Variants in PHACTR1 observed in about 807,000 individuals in gnomAD.
PHACTR1 encodes the protein phosphatase and actin regulator 1.
PHACTR1 carries 16 observed loss-of-function variants against 69.2 expected under a neutral mutation model. The ratio of observed to expected loss-of-function variants is 0.23; its 90% CI spans 0.16 to 0.35. The LOEUF (loss-of-function observed/expected upper bound fraction) is 0.35, where lower values mean the gene tolerates loss of function less well. Ranked by LOEUF, PHACTR1 falls within the 10% of genes least tolerant of loss-of-function variation. The pLI, the probability that PHACTR1 is intolerant of heterozygous loss-of-function variation, is 1.00. For synonymous variants in PHACTR1, 312 were observed against 284.5 expected (o/e 1.10, Z -0.97); for missense variants, 510 against 734.7 (o/e 0.69, Z 3.54).
At chr6:12,743,894 A>G (rs1765412190) in intron 3 of PHACTR1, among the ~76,000 whole-genome samples, 1 of 152,148 alleles carries the variant, frequency 6.6e-6, no homozygotes, top group Admixed American at 6.5e-5. Context: ...AAAATTGACC[A>G]CATAGTTGGA....
chr6:13,200,348 T>C (rs905643019), intron 7 of PHACTR1, among the ~76,000 whole-genome samples: 2 of 152,090 alleles, frequency 1.3e-5, no homozygotes, highest in African/African-American at 4.8e-5. Context: ...GTAGCTGGGA[T>C]TGCAGGCACG....
At chr6:13,050,798 A>G (rs1805824395) in intron 4 of PHACTR1, among the ~76,000 whole-genome samples, 1 of 152,228 alleles carries the variant, frequency 6.6e-6, no homozygotes, top group African/African-American at 2.4e-5. Flanking sequence ...TCTTTAAAAC[A>G]TGTAAAATCA....
chr6:13,187,989 G>A (rs377009131), intron 7 of PHACTR1, among the ~76,000 whole-genome samples: 15 of 152,300 alleles, frequency 9.8e-5, no homozygotes, highest in South Asian at 4.1e-4. Flanking sequence ...AGCTCAGGTG[G>A]CCTGGTATCC....
chr6:13,218,828 GA>G, intron 8 of PHACTR1, among the ~76,000 whole-genome samples: 1 of 149,060 alleles, frequency 6.7e-6, no homozygotes. Context: ...AGGAGGAGGA[GA>G]AAAAGAGGAG....
At chr6:13,039,985 A>T (rs1186658533) in intron 4 of PHACTR1, among the ~76,000 whole-genome samples, 1 of 152,186 alleles carries the variant, frequency 6.6e-6, no homozygotes, top group East Asian at 1.9e-4. Flanking sequence ...GGCAGTTTCT[A>T]TTATCTTTCA....
At chr6:13,032,015 C>T (rs1414130450) in intron 4 of PHACTR1, among the ~76,000 whole-genome samples, 14 of 152,214 alleles carry the variant, frequency 9.2e-5, no homozygotes, top group Admixed American at 9.2e-4. Context: ...ACTATTCTGA[C>T]CCTTATGGAA....
chr6:13,287,445 A>C lies in PHACTR1; in HGVS notation c.*367A>C. ...GTCTCCAGCAAACCTCTTCCTCACA[A>C]GTGTCTGTCATCTGAGTCCAAAGAA... On this transcript the variant is annotated 3_prime_UTR_variant, in exon 15 of 15. Transcript: ENST00000332995. 7.5e-6 allele frequency: 2 copies of C among 265,018 alleles called. No homozygotes were observed. Among genetic ancestry groups the C allele is most frequent in the Non-Finnish European group, 1.4e-5 (2 of 138,424 alleles). The allele number at this position is 265,018 out of a possible 1,614,324, so 16.4% of individuals were successfully genotyped here. A position where few individuals can be genotyped will look rare whatever the true frequency, so the allele number is the denominator to read the frequency against.
intron 4 of PHACTR1, among the ~76,000 whole-genome samples, chr6:13,018,512 A>G (rs1187393424): frequency 6.6e-6 from 1 of 152,148 alleles, no homozygotes; most frequent in African/African-American, 2.4e-5. Flanking sequence ...TGCGATTGCT[A>G]GCGTTTGTAT....
At chr6:13,025,154 C>A (rs1801504983) in intron 4 of PHACTR1, among the ~76,000 whole-genome samples, 3 of 152,096 alleles carry the variant, frequency 2.0e-5, no homozygotes, top group African/African-American at 7.2e-5. Context: ...GCTTGGGAGG[C>A]TGAGGTAGGA....
At chr6:13,133,302 T>A (rs1472268321) in intron 5 of PHACTR1, among the ~76,000 whole-genome samples, 1 of 135,042 alleles carries the variant, frequency 7.4e-6, no homozygotes. Context: ...ACAGTCTCCC[T>A]CTCCCTCTCC....
intron 4 of PHACTR1, among the ~76,000 whole-genome samples, chr6:12,792,840 CTTTTTTT>C (rs58524663): frequency 7.5e-5 from 9 of 120,420 alleles, no homozygotes; most frequent in Admixed American, 3.4e-4. Context: ...TAAAGAGAAG[CTTTTTTT>C]TTTTTTTTTT....
intron 10 of PHACTR1, among the ~76,000 whole-genome samples, chr6:13,263,238 GTTTTTTT>G (rs57164668): frequency 0.11 from 9,537 of 84,620 alleles, 656 homozygotes; most frequent in African/African-American, 0.27. Flanking sequence ...GGCTTTTAGT[GTTTTTTT>G]TTTTTTTTTT....
chr6:13,078,952 C>T (rs943544093), intron 5 of PHACTR1, among the ~76,000 whole-genome samples: 3 of 152,144 alleles, frequency 2.0e-5, no homozygotes, highest in Non-Finnish European at 2.9e-5. Flanking sequence ...TTGGGGGGGT[C>T]TAGCTTTGTC....
At chr6:12,906,924 T>A (rs1259594887) in intron 4 of PHACTR1, among the ~76,000 whole-genome samples, 2 of 152,136 alleles carry the variant, frequency 1.3e-5, no homozygotes, top group Non-Finnish European at 2.9e-5. Context: ...GATGGACCCA[T>A]CAGAACCACA....
At chr6:12,958,569 G>A (rs1042580663) in intron 4 of PHACTR1, among the ~76,000 whole-genome samples, 2 of 152,176 alleles carry the variant, frequency 1.3e-5, no homozygotes, top group African/African-American at 4.8e-5. Context: ...AAATCAATAC[G>A]GGAACTGATA....
chr6:13,212,903 C>T (rs1009721900), intron 8 of PHACTR1, among the ~76,000 whole-genome samples: 5 of 152,226 alleles, frequency 3.3e-5, no homozygotes, highest in Non-Finnish European at 7.3e-5. Flanking sequence ...CCTCGCAACA[C>T]AGCCTGTTCC....
intron 4 of PHACTR1, among the ~76,000 whole-genome samples, chr6:12,783,471 C>T (rs974562000): frequency 2.0e-5 from 3 of 152,084 alleles, no homozygotes; most frequent in African/African-American, 4.8e-5. Context: ...ACATGGGGCT[C>T]AATGACAGCT....
At chr6:12,754,356 T>C (rs991383250) in intron 4 of PHACTR1, among the ~76,000 whole-genome samples, 10 of 152,166 alleles carry the variant, frequency 6.6e-5, no homozygotes, top group African/African-American at 2.4e-4. Context: ...TCCTTCACTC[T>C]TTTGCTGAAG....
intron 9 of PHACTR1, among the ~76,000 whole-genome samples, chr6:13,229,541 C>T (rs1417864134): frequency 6.6e-6 from 1 of 152,168 alleles, no homozygotes; most frequent in Admixed American, 6.5e-5. Context: ...CTTCACGTCC[C>T]CCCAGCTCCA....
Sources: gnomAD v4.1 joint callset for allele counts (sites outside exome capture counted in the v4.1 genomes callset) on GRCh38, gnomAD v4.1.1 for gene constraint, MANE v1.5 for transcripts, NCBI Gene and HGNC (gene_info 2026-07-23, HGNC 2026-07-21) for gene names.